The following PDE1A variants were observed in gnomAD, a reference collection of about 807,000 sequenced individuals.
PDE1A encodes dual specificity calcium/calmodulin-dependent 3',5'-cyclic nucleotide phosphodiesterase 1A.
PDE1A carries 35 observed loss-of-function variants against 61.7 expected under a neutral mutation model. The observed-to-expected ratio is 0.57, with a 90% confidence interval of 0.43 to 0.75. The LOEUF is 0.75. Ranked by LOEUF, PDE1A falls within the 30% of genes least tolerant of loss-of-function variation. The pLI is 0.00. For missense variants in PDE1A, 597 were observed against 630.6 expected (o/e 0.95, Z 0.57); for synonymous variants, 232 against 213.2 (o/e 1.09, Z -0.77).
chr2:182,654,778 T>C, the PDE1A span, among the ~76,000 whole-genome samples: 1 of 152,186 alleles, frequency 6.6e-6, no homozygotes, highest in Non-Finnish European at 1.5e-5. Flanking sequence ...CTGGAATCTA[T>C]TCATTGTCCA....
the PDE1A span, among the ~76,000 whole-genome samples, chr2:182,560,884 C>T: frequency 1.3e-4 from 20 of 152,116 alleles, no homozygotes; most frequent in Non-Finnish European, 2.6e-4. Context: ...TGTTCATGTC[C>T]TTCACCCACT....
At chr2:182,511,214 G>A (rs1374806612) in intron 2 of PDE1A, among the ~76,000 whole-genome samples, 1 of 151,730 alleles carries the variant, frequency 6.6e-6, no homozygotes, top group African/African-American at 2.4e-5. Context: ...TCAACTAGAT[G>A]TAGCCAGGAA....
chr2:182,561,307 T>C, the PDE1A span, among the ~76,000 whole-genome samples: 1 of 152,178 alleles, frequency 6.6e-6, no homozygotes, highest in African/African-American at 2.4e-5. Flanking sequence ...ATTTATTAAA[T>C]AGGGAATCCT....
intron 1 of PDE1A, among the ~76,000 whole-genome samples, chr2:182,426,310 G>A (rs560015256): frequency 5.9e-5 from 9 of 152,314 alleles, no homozygotes; most frequent in Admixed American, 1.3e-4. Context: ...ATTGCATAAC[G>A]TTTCCAAAGT....
chr2:182,632,057 C>T, the PDE1A span, among the ~76,000 whole-genome samples: 1 of 152,102 alleles, frequency 6.6e-6, no homozygotes, highest in Non-Finnish European at 1.5e-5. Context: ...GTTTTATTCT[C>T]TTCCAGACTG....
the PDE1A span, among the ~76,000 whole-genome samples, chr2:182,668,623 C>A: frequency 6.6e-6 from 1 of 152,100 alleles, no homozygotes; most frequent in Non-Finnish European, 1.5e-5. Flanking sequence ...ACTCAGGGGG[C>A]TGCAGTCAGG....
exon 9 of PDE1A, chr2:182,201,789 C>T (rs773524407): frequency 6.3e-7 from 1 of 1,584,484 alleles, no homozygotes; most frequent in East Asian, 2.2e-5. Flanking sequence ...TCCGAAGATC[C>T]CTGCAGAGTC....
intron 1 of PDE1A, among the ~76,000 whole-genome samples, chr2:182,376,292 A>C (rs1377116768): frequency 1.3e-5 from 2 of 152,134 alleles, no homozygotes; most frequent in Non-Finnish European, 2.9e-5. Flanking sequence ...AACAGCACCC[A>C]AGTCACCTCT....
intron 7 of PDE1A, among the ~76,000 whole-genome samples, chr2:182,211,011 T>A (rs142259537): frequency 1.0e-3 from 159 of 152,266 alleles, no homozygotes; most frequent in Admixed American, 9.1e-3. Context: ...GTGGAAAGCA[T>A]CACATAGTAG....
chr2:182,562,376 G>GA, the PDE1A span, among the ~76,000 whole-genome samples: 1 of 146,554 alleles, frequency 6.8e-6, no homozygotes, highest in Non-Finnish European at 1.5e-5. Context: ...TGCGTATATT[G>GA]AACCTGCCTT....
downstream of PDE1A, among the ~76,000 whole-genome samples, chr2:182,143,191 A>G (rs901970686): frequency 2.0e-5 from 3 of 152,306 alleles, no homozygotes; most frequent in African/African-American, 4.8e-5. Context: ...TTAAAAACCA[A>G]TGGATCATAT....
chr2:182,149,050 A>G (rs552598707), intron 13 of PDE1A, among the ~76,000 whole-genome samples: 34 of 152,216 alleles, frequency 2.2e-4, no homozygotes, highest in Middle Eastern at 3.4e-3. Context: ...GACATTTATC[A>G]TGTTAGAGTC....
chr2:182,639,957 A>G, the PDE1A span, among the ~76,000 whole-genome samples: 1 of 144,926 alleles, frequency 6.9e-6, no homozygotes, highest in African/African-American at 2.5e-5. Context: ...ATGCTCAACA[A>G]TATGGTCTAT....
At chr2:182,683,838 G>T in the PDE1A span, among the ~76,000 whole-genome samples, 38 of 152,130 alleles carry the variant, frequency 2.5e-4, no homozygotes, top group African/African-American at 8.9e-4. Context: ...TGCAAAATGG[G>T]GCTGGGAGCG....
intron 2 of PDE1A, among the ~76,000 whole-genome samples, chr2:182,512,167 A>G (rs961963009): frequency 1.3e-5 from 2 of 152,110 alleles, no homozygotes; most frequent in African/African-American, 4.8e-5. Context: ...TACAACCTCA[A>G]TAAAGTCCTT....
At chr2:182,250,595 A>G (rs1691324905) in intron 2 of PDE1A, among the ~76,000 whole-genome samples, 1 of 152,084 alleles carries the variant, frequency 6.6e-6, no homozygotes, top group Non-Finnish European at 1.5e-5. Context: ...GATTTGTTCA[A>G]TGTTCCTCTG....
chr2:182,201,287 G>A (rs1686606603), intron 10 of PDE1A, 152 bp downstream of exon 10: 2 of 830,920 alleles, frequency 2.4e-6, no homozygotes, highest in South Asian at 1.8e-5. Flanking sequence ...CTTTCTGATA[G>A]ACTAATAAAT....
At chr2:182,707,191 A>G in the PDE1A span, among the ~76,000 whole-genome samples, 2 of 152,238 alleles carry the variant, frequency 1.3e-5, no homozygotes, top group African/African-American at 4.8e-5. Context: ...AAATGTTTAT[A>G]CCAGAAAAGA....
intron 13 of PDE1A, among the ~76,000 whole-genome samples, chr2:182,151,842 GC>G (rs1373962454): frequency 1.3e-5 from 2 of 152,072 alleles, no homozygotes; most frequent in Non-Finnish European, 2.9e-5. Flanking sequence ...GACTTATCTA[GC>G]CCAACAATCC....
Sources: allele counts gnomAD v4.1 joint callset (sites outside exome capture counted in the v4.1 genomes callset), GRCh38; gene constraint gnomAD v4.1.1; transcripts MANE v1.5; gene names NCBI Gene and HGNC (gene_info 2026-07-23, HGNC 2026-07-21).